Variants in DDC observed in about 807,000 individuals in gnomAD.
DDC encodes the protein aromatic-L-amino-acid decarboxylase.
DDC carries 43 observed loss-of-function variants against 60.0 expected under a neutral mutation model. The observed-to-expected ratio is 0.72, with a 90% CI of 0.56 to 0.92. The LOEUF (loss-of-function observed/expected upper bound fraction) is 0.92, where lower values mean the gene tolerates loss of function less well. DDC is among the 40% of genes least tolerant of loss of function. The probability of loss-of-function intolerance (pLI) is 0.00; values close to 1 mark genes in which losing one functional copy is unlikely to be tolerated. For synonymous variants in DDC, 232 were observed against 234.6 expected (o/e 0.99, Z 0.10); for missense variants, 573 against 620.2 (o/e 0.92, Z 0.81).
intron 1 of DDC, among the ~76,000 whole-genome samples, chr7:50,555,557 A>G (rs905150067): frequency 9.2e-5 from 14 of 152,144 alleles, no homozygotes; most frequent in Non-Finnish European, 1.8e-4. Context: ...ACGCACACAC[A>G]CTTGCGACTG....
chr7:50,539,733 A>G (rs2044550957), intron 3 of DDC, 182 bp downstream of exon 3: 2 of 609,216 alleles, frequency 3.3e-6, no homozygotes, highest in African/African-American at 1.8e-5. Flanking sequence ...TCTGTTCTCA[A>G]TCGCTACTTT....
At chr7:50,527,339 A>C (rs1311799477) in intron 6 of DDC, among the ~76,000 whole-genome samples, 1 of 152,208 alleles carries the variant, frequency 6.6e-6, no homozygotes, top group Admixed American at 6.5e-5. Flanking sequence ...GAAACCTAAA[A>C]GAGTGTGTTT....
At chr7:50,523,103 C>T (rs1289071720) in intron 6 of DDC, among the ~76,000 whole-genome samples, 1 of 152,124 alleles carries the variant, frequency 6.6e-6, no homozygotes, top group Non-Finnish European at 1.5e-5. Context: ...ATATCAACAT[C>T]TACATGCAAA....
intron 6 of DDC, among the ~76,000 whole-genome samples, chr7:50,526,775 G>C (rs1476768715): frequency 6.6e-6 from 1 of 152,164 alleles, no homozygotes; most frequent in African/African-American, 2.4e-5. Context: ...AATGGAAAAT[G>C]TCTATATCAT....
intron 4 of DDC, among the ~76,000 whole-genome samples, chr7:50,535,077 T>C (rs2044351240): frequency 6.6e-6 from 1 of 152,222 alleles, no homozygotes; most frequent in Non-Finnish European, 1.5e-5. Context: ...TGCTGAGTCA[T>C]TGTTGCTGCT....
intron 9 of DDC, among the ~76,000 whole-genome samples, chr7:50,482,440 AT>A (rs2042789968): frequency 6.6e-6 from 1 of 152,200 alleles, no homozygotes; most frequent in African/African-American, 2.4e-5. Context: ...TAATTGGAAT[AT>A]GTGGAGTCTG....
intron 6 of DDC, among the ~76,000 whole-genome samples, chr7:50,515,679 C>T (rs1234678794): frequency 6.6e-6 from 1 of 152,178 alleles, no homozygotes; most frequent in Non-Finnish European, 1.5e-5. Flanking sequence ...CTGCTGCCTT[C>T]AGGAGATTCA....
At chr7:50,492,839 C>G in intron 9 of DDC, 4 of 1,537,878 alleles carry the variant, frequency 2.6e-6, no homozygotes, top group South Asian at 1.2e-5. Context: ...GAGAGATGAG[C>G]GCACAGCCGC....
chr7:50,541,856 C>A (rs945440707), intron 2 of DDC, among the ~76,000 whole-genome samples: 1 of 152,114 alleles, frequency 6.6e-6, no homozygotes, highest in Admixed American at 6.5e-5. Context: ...CATGAGCAAC[C>A]CCCTCTGATT....
intron 1 of DDC, among the ~76,000 whole-genome samples, chr7:50,547,138 T>A (rs982304838): frequency 3.9e-5 from 6 of 152,260 alleles, no homozygotes; most frequent in Admixed American, 1.3e-4. Context: ...ACTGCAGATC[T>A]TTTTGCTAGC....
chr7:50,463,687 C>CT (rs2153533073), intron 13 of DDC, among the ~76,000 whole-genome samples: 1 of 152,274 alleles, frequency 6.6e-6, no homozygotes, highest in African/African-American at 2.4e-5. Context: ...CTTCCATGGT[C>CT]TAAGTTTTTT....
At chr7:50,508,778 G>A (rs1405396375) in intron 6 of DDC, among the ~76,000 whole-genome samples, 2 of 152,218 alleles carry the variant, frequency 1.3e-5, no homozygotes, top group African/African-American at 4.8e-5. Context: ...CAGCTGGGCA[G>A]TGAGACAAGG....
chr7:50,517,583 A>G, intron 6 of DDC, among the ~76,000 whole-genome samples: 1 of 152,210 alleles, frequency 6.6e-6, no homozygotes, highest in Non-Finnish European at 1.5e-5. Context: ...CACAGCAATC[A>G]GACAAGAGAA....
intron 12 of DDC, among the ~76,000 whole-genome samples, chr7:50,468,746 G>T (rs1261075027): frequency 6.6e-6 from 1 of 152,078 alleles, no homozygotes; most frequent in Non-Finnish European, 1.5e-5. Flanking sequence ...CATCACTAAG[G>T]CTGAATATCA....
At chr7:50,503,372 A>G (rs962674752) in intron 7 of DDC, among the ~76,000 whole-genome samples, 2 of 152,232 alleles carry the variant, frequency 1.3e-5, no homozygotes, top group Non-Finnish European at 2.9e-5. Flanking sequence ...CTCTAGAAAC[A>G]GAGCTGCTCA....
chr7:50,496,095 C>CTT (rs112532220), intron 8 of DDC, among the ~76,000 whole-genome samples: 2,802 of 146,794 alleles, frequency 0.019, 153 homozygotes, highest in Admixed American at 0.12. Context: ...GCTTCTCTCT[C>CTT]TTTTTTTTTT....
At chr7:50,559,068 G>A (rs2045272342) in intron 1 of DDC, among the ~76,000 whole-genome samples, 1 of 152,194 alleles carries the variant, frequency 6.6e-6, no homozygotes, top group South Asian at 2.1e-4. Context: ...TTGAATAGTT[G>A]CCATATACAG....
chr7:50,550,998 C>G (rs953698952), intron 1 of DDC, among the ~76,000 whole-genome samples: 3 of 152,166 alleles, frequency 2.0e-5, no homozygotes, highest in African/African-American at 7.2e-5. Context: ...TGTGCAACCT[C>G]TTGTTTACGT....
intron 6 of DDC, among the ~76,000 whole-genome samples, chr7:50,526,479 G>A (rs182539479): frequency 1.3e-5 from 2 of 152,142 alleles, no homozygotes; most frequent in Non-Finnish European, 2.9e-5. Context: ...ATGCCGAATG[G>A]AAATAAGAAA....
Sources: allele counts gnomAD v4.1 joint callset (sites outside exome capture counted in the v4.1 genomes callset), GRCh38; gene constraint gnomAD v4.1.1; transcripts MANE v1.5; gene names NCBI Gene and HGNC (gene_info 2026-07-23, HGNC 2026-07-21).